Variants in KCNMB2 observed in about 807,000 individuals in gnomAD.
KCNMB2 encodes calcium-activated potassium channel subunit beta-2.
In KCNMB2, 9 loss-of-function variants were observed where a neutral mutation model predicts 24.5. The ratio of observed to expected loss-of-function variants is 0.37; its 90% CI spans 0.22 to 0.64. The LOEUF (loss-of-function observed/expected upper bound fraction) is 0.64, where lower values mean the gene tolerates loss of function less well. KCNMB2 is among the 30% of genes least tolerant of loss of function. The pLI is 0.63. For synonymous variants in KCNMB2, 109 were observed against 104.4 expected, an observed-to-expected ratio of 1.04 and a Z score of -0.27; for missense variants, 226 against 284.3, an observed-to-expected ratio of 0.79 and a Z score of 1.47.
chr3:178,706,017 C>T (rs759207939), intron 1 of KCNMB2, among the ~76,000 whole-genome samples: 4 of 152,080 alleles, frequency 2.6e-5, no homozygotes, highest in Non-Finnish European at 4.4e-5. Context: ...CCAAGACACA[C>T]CTTTAAATAT....
intron 1 of KCNMB2, among the ~76,000 whole-genome samples, chr3:178,541,743 T>C (rs1715625599): frequency 1.3e-5 from 2 of 152,210 alleles, no homozygotes. Flanking sequence ...TCACCTTTTC[T>C]ACTTCATGTT....
intron 1 of KCNMB2, among the ~76,000 whole-genome samples, chr3:178,639,223 ATC>A (rs1719636497): frequency 6.6e-6 from 1 of 152,206 alleles, no homozygotes; most frequent in Admixed American, 6.5e-5. Context: ...GACATTAATT[ATC>A]TCATTTAAGT....
chr3:178,836,486 A>C (rs1715235067), intron 4 of KCNMB2, among the ~76,000 whole-genome samples: 1 of 152,172 alleles, frequency 6.6e-6, no homozygotes, highest in Admixed American at 6.6e-5. Context: ...TGTGGTTTTC[A>C]GTACTAAAGA....
intron 1 of KCNMB2, among the ~76,000 whole-genome samples, chr3:178,778,181 A>G (rs1269544717): frequency 1.3e-5 from 2 of 152,288 alleles, no homozygotes; most frequent in Admixed American, 6.5e-5. Context: ...GACCCTATGT[A>G]TCAGTTTCAA....
At chr3:178,560,341 C>T (rs2108463557) in intron 1 of KCNMB2, among the ~76,000 whole-genome samples, 1 of 152,194 alleles carries the variant, frequency 6.6e-6, no homozygotes, top group South Asian at 2.1e-4. Context: ...GTCTAAGAAT[C>T]TGAGGTGACT....
chr3:178,688,315 T>C (rs934782884), intron 1 of KCNMB2, among the ~76,000 whole-genome samples: 1 of 152,202 alleles, frequency 6.6e-6, no homozygotes, highest in Non-Finnish European at 1.5e-5. Flanking sequence ...ATCAAGTTTA[T>C]GGTCATATTT....
chr3:178,674,698 T>A (rs1055732323), intron 1 of KCNMB2, among the ~76,000 whole-genome samples: 11 of 152,208 alleles, frequency 7.2e-5, no homozygotes, highest in African/African-American at 2.4e-4. Context: ...CAGATCATGG[T>A]TTCCCCCTTC....
chr3:178,779,389 A>G (rs1238803608), intron 1 of KCNMB2, among the ~76,000 whole-genome samples: 1 of 152,226 alleles, frequency 6.6e-6, no homozygotes. Context: ...GAAGCCATTG[A>G]TGGATACACG....
intron 1 of KCNMB2, among the ~76,000 whole-genome samples, chr3:178,649,965 C>A (rs1005814285): frequency 1.3e-5 from 2 of 152,142 alleles, no homozygotes; most frequent in Non-Finnish European, 2.9e-5. Context: ...TTCCCGCTTT[C>A]TCCTGTGGGC....
chr3:178,577,504 T>C (rs1243605389), intron 1 of KCNMB2, among the ~76,000 whole-genome samples: 3 of 152,126 alleles, frequency 2.0e-5, no homozygotes, highest in East Asian at 3.9e-4. Context: ...GGAACAAAAG[T>C]GGACAGAGAA....
At chr3:178,681,956 C>T (rs1022971055) in intron 1 of KCNMB2, among the ~76,000 whole-genome samples, 3 of 152,094 alleles carry the variant, frequency 2.0e-5, no homozygotes, top group Non-Finnish European at 4.4e-5. Flanking sequence ...TCTCAGTATC[C>T]CCAAGGCTTT....
intron 1 of KCNMB2, among the ~76,000 whole-genome samples, chr3:178,741,103 T>C (rs1723480599): frequency 6.6e-6 from 1 of 152,228 alleles, no homozygotes; most frequent in Non-Finnish European, 1.5e-5. Context: ...AATTAATAAA[T>C]GAACATGTTT....
chr3:178,613,137 C>T (rs139882014), intron 1 of KCNMB2, among the ~76,000 whole-genome samples: 37 of 152,316 alleles, frequency 2.4e-4, no homozygotes, highest in African/African-American at 8.9e-4. Context: ...GTGGCTCATG[C>T]CTGTAATCCC....
intron 1 of KCNMB2, among the ~76,000 whole-genome samples, chr3:178,617,608 A>G (rs527493939): frequency 6.2e-4 from 88 of 141,940 alleles, no homozygotes; most frequent in African/African-American, 1.9e-3. Context: ...CCCAACACCC[A>G]GCGAGGCGCG....
chr3:178,540,860 T>C (rs1234220640), intron 1 of KCNMB2, among the ~76,000 whole-genome samples: 1 of 152,200 alleles, frequency 6.6e-6, no homozygotes, highest in Non-Finnish European at 1.5e-5. Context: ...CTATCTCCCT[T>C]CTCCTCAGTT....
intron 1 of KCNMB2, among the ~76,000 whole-genome samples, chr3:178,594,379 A>G (rs1717790142): frequency 6.6e-6 from 1 of 152,106 alleles, no homozygotes; most frequent in South Asian, 2.1e-4. Context: ...ATTAGTGTGG[A>G]AGCAGTGAAG....
chr3:178,598,393 A>G lies in KCNMB2; in HGVS notation c.-68+61682A>G, dbSNP rs113517117. The stretch of plus-strand genomic sequence containing the variant: ...AGTGACCAGATTTCTTAGCAAGCTA[A>G]TAGGTATTCTGCTTATTTATTTATT... On this transcript the variant is annotated intron_variant, in intron 1 of 4. Transcript: ENST00000452583. 3.4e-3 allele frequency among the ~76,000 whole-genome samples: 512 copies of G among 152,316 alleles called. 2 individuals carry two copies. The highest frequency in any genetic ancestry group is 0.012 in the African/African-American group (482 of 41,568).
intron 1 of KCNMB2, among the ~76,000 whole-genome samples, chr3:178,782,516 T>C (rs981273797): frequency 1.3e-5 from 2 of 150,260 alleles, no homozygotes; most frequent in African/African-American, 2.4e-5. Flanking sequence ...CATTGTGGTT[T>C]TGATTTGCAT....
chr3:178,600,663 A>G (rs1718047748), intron 1 of KCNMB2, among the ~76,000 whole-genome samples: 2 of 152,280 alleles, frequency 1.3e-5, no homozygotes, highest in African/African-American at 4.8e-5. Context: ...CAGAGATGGT[A>G]GGAATGAAGG....
Sources: gnomAD v4.1 joint callset for allele counts (sites outside exome capture counted in the v4.1 genomes callset) on GRCh38, gnomAD v4.1.1 for gene constraint, MANE v1.5 for transcripts, NCBI Gene and HGNC (gene_info 2026-07-23, HGNC 2026-07-21) for gene names.